Variants in SGTB observed in about 807,000 individuals in gnomAD.
SGTB encodes the protein small glutamine-rich tetratricopeptide repeat-containing protein beta.
Under a neutral mutation model 43.9 loss-of-function variants are expected in SGTB, and 19 were observed. That is an observed-to-expected ratio of 0.43 (90% CI 0.30 to 0.63). SGTB has a LOEUF of 0.63. Ranked by LOEUF, SGTB falls within the 30% of genes least tolerant of loss-of-function variation. The pLI is 0.12. For missense variants in SGTB, 304 were observed against 358.9 expected (o/e 0.85, Z 1.24); for synonymous variants, 116 against 117.3 (o/e 0.99, Z 0.07).
intron 2 of SGTB, among the ~76,000 whole-genome samples, chr5:65,714,107 T>C (rs997821443): frequency 2.0e-5 from 3 of 152,140 alleles, no homozygotes; most frequent in Non-Finnish European, 2.9e-5. Flanking sequence ...TAAAATATTA[T>C]TTTTTTAAAA....
rs1757357503 is a variant in SGTB at position 65,679,721 on chromosome 5, T to C, written c.681+773A>G. Among the ~76,000 whole-genome samples, 3 of 152,298 alleles carry C rather than the reference T, an allele frequency of 2.0e-5. No individual in the cohort carries two copies. The East Asian group carries it at 5.8e-4, about 29-fold the overall frequency. On this transcript the variant is annotated intron_variant, in intron 8 of 10. Transcript: ENST00000381007. ...GCTTTTAACACTGTTGGTGGAAATG[T>C]AAATTAGTTCAACCATTGTGGAAGA...
At chr5:65,682,914 C>G (rs1579859824) in intron 6 of SGTB, among the ~76,000 whole-genome samples, 1 of 152,044 alleles carries the variant, frequency 6.6e-6, no homozygotes, top group South Asian at 2.1e-4. Flanking sequence ...AGGGAAAATA[C>G]AGAGTTAGGT....
chr5:65,716,496 T>C (rs538705294), intron 2 of SGTB, among the ~76,000 whole-genome samples: 4 of 152,294 alleles, frequency 2.6e-5, no homozygotes, highest in African/African-American at 2.4e-5. Flanking sequence ...AGAGGTGGTA[T>C]AAGAGATGTC....
At chr5:65,671,699 G>A (rs1757157615) in intron 10 of SGTB, among the ~76,000 whole-genome samples, 1 of 152,046 alleles carries the variant, frequency 6.6e-6, no homozygotes, top group Non-Finnish European at 1.5e-5. Flanking sequence ...TCAACAGACA[G>A]GGCTGGCCAG....
intron 5 of SGTB, among the ~76,000 whole-genome samples, chr5:65,692,411 C>A (rs758238517): frequency 6.6e-6 from 1 of 152,092 alleles, no homozygotes; most frequent in Non-Finnish European, 1.5e-5. Flanking sequence ...CTTAGAGTCA[C>A]CAGTAATGGG....
In SGTB at chr5:65,680,529, C is replaced by T. The variant is rs749088032; in HGVS notation, c.646G>A (p.Ala216Thr). 5.0e-6 allele frequency: 8 copies of T among 1,613,974 alleles called. No homozygotes were observed. The highest frequency in any genetic ancestry group is 4.0e-5 in the African/African-American group (3 of 74,926). The change falls in exon 8 of 11, where the codon GCT becomes ACT. Residue 216 changes from alanine (A) to threonine (T), a missense_variant. By Grantham distance (58) the Ala-to-Thr change is moderately conservative (BLOSUM62 0). Transcript: ENST00000381007. ...PTGTGLSFDM[A>T]SLINNPAFIS... ...AAGGCTGGATTATTTATCAAGCTAG[C>T]CATGTCAAAGCTCAGTCCAGTTCCT...
At chr5:65,674,838 G>C (rs1025057476) in intron 8 of SGTB, among the ~76,000 whole-genome samples, 3 of 151,728 alleles carry the variant, frequency 2.0e-5, no homozygotes, top group African/African-American at 2.4e-5. Flanking sequence ...AAAAAATGAA[G>C]TCACAAGATC....
At chr5:65,709,970 C>T (rs569890719) in intron 3 of SGTB, among the ~76,000 whole-genome samples, 45 of 152,208 alleles carry the variant, frequency 3.0e-4, no homozygotes, top group Non-Finnish European at 5.4e-4. Context: ...GATAGCTCTA[C>T]ATCAGAAATA....
intron 10 of SGTB, among the ~76,000 whole-genome samples, chr5:65,671,586 GAA>G (rs1757154307): frequency 7.5e-6 from 1 of 133,912 alleles, no homozygotes; most frequent in African/African-American, 2.8e-5. Flanking sequence ...AAGAAAAGAA[GAA>G]AAAGATTCTG....
intron 10 of SGTB, among the ~76,000 whole-genome samples, chr5:65,670,635 A>G (rs1757137075): frequency 6.6e-6 from 1 of 152,240 alleles, no homozygotes; most frequent in Admixed American, 6.5e-5. Flanking sequence ...ACAAAGAAGC[A>G]AAGGGTAAGA....
intron 1 of SGTB, 45 bp from the exon 2 acceptor site, chr5:65,720,874 ATCAG>A: frequency 6.4e-7 from 1 of 1,573,944 alleles, no homozygotes; most frequent in Non-Finnish European, 8.6e-7. Flanking sequence ...ATTTTAAAGA[ATCAG>A]TCAGGAAAGT....
intron 10 of SGTB, among the ~76,000 whole-genome samples, chr5:65,671,491 G>T (rs1364680514): frequency 6.6e-6 from 1 of 152,116 alleles, no homozygotes; most frequent in Non-Finnish European, 1.5e-5. Flanking sequence ...CTGTACCTCA[G>T]TTTCTCTAGC....
In SGTB at chr5:65,666,220, A is replaced by T. The variant is rs1453609366; in HGVS notation, c.*4026T>A. ...TGTTTTAAATCTAAAAAGTAAAATGATGGTCACTTGGAATCTGCTCTATAT... is the reference window on the plus strand; with the variant it reads ...TGTTTTAAATCTAAAAAGTAAAATGTTGGTCACTTGGAATCTGCTCTATAT... On this transcript the variant is annotated 3_prime_UTR_variant, in exon 11 of 11. Transcript: ENST00000381007. 1 of 152,250 alleles carries T rather than the reference A, an allele frequency of 6.6e-6. No homozygotes were observed. Among genetic ancestry groups the T allele is most frequent in the Non-Finnish European group, 1.5e-5 (1 of 67,990 alleles). The allele number at this position is 152,250 out of a possible 1,614,324, so 9.4% of individuals were successfully genotyped here.
chr5:65,683,805 G>A (rs1398469551), intron 6 of SGTB, among the ~76,000 whole-genome samples: 1 of 152,036 alleles, frequency 6.6e-6, no homozygotes, highest in Non-Finnish European at 1.5e-5. Context: ...AATTAGCTGG[G>A]CATGGTGGCG....
chr5:65,712,275 A>G (rs1248905594), intron 3 of SGTB, among the ~76,000 whole-genome samples: 1 of 152,102 alleles, frequency 6.6e-6, no homozygotes, highest in Admixed American at 6.6e-5. Context: ...CCTGCCTCAG[A>G]AAAAAAGAAA....
intron 5 of SGTB, among the ~76,000 whole-genome samples, chr5:65,700,695 A>G (rs563201166): frequency 6.1e-5 from 9 of 148,454 alleles, no homozygotes; most frequent in Admixed American, 1.3e-4. Flanking sequence ...AAAAAAAAAA[A>G]AAAGAAAGAA....
At chr5:65,703,655 C>G (rs554713592) in intron 5 of SGTB, among the ~76,000 whole-genome samples, 22 of 152,262 alleles carry the variant, frequency 1.4e-4, no homozygotes, top group Non-Finnish European at 2.5e-4. Context: ...ACTCAGGAGG[C>G]AGAGGTTGCA....
At position 65,698,835 on chromosome 5, in the gene SGTB, C is replaced by T. The variant is rs575848281; in HGVS notation, c.374+5444G>A. Among the ~76,000 whole-genome samples, 139 of 152,186 alleles carry T rather than the reference C, an allele frequency of 9.1e-4. 1 individual carries two copies. The highest frequency in any genetic ancestry group is 3.3e-3 in the African/African-American group (135 of 41,526). On this transcript the variant is annotated intron_variant, in intron 5 of 10. Coordinates refer to ENST00000381007, the MANE Select transcript of SGTB (RefSeq NM_019072.3). The stretch of plus-strand genomic sequence containing the variant: ...GCAAATTGAAACCACAATGAGATAC[C>T]ACCTTACTCTTGCAAGAATGGCCAT...
At chr5:65,681,116 C>T (rs1757387785) in intron 6 of SGTB, among the ~76,000 whole-genome samples, 1 of 152,064 alleles carries the variant, frequency 6.6e-6, no homozygotes, top group African/African-American at 2.4e-5. Context: ...GACTAAGTTC[C>T]AAAAGATGTG....
Sources: allele counts gnomAD v4.1 joint callset (sites outside exome capture counted in the v4.1 genomes callset), GRCh38; gene constraint gnomAD v4.1.1; transcripts MANE v1.5; gene names NCBI Gene and HGNC (gene_info 2026-07-23, HGNC 2026-07-21).